Variants in NSUN6 observed in about 807,000 individuals in gnomAD.
NSUN6 encodes the protein NOP2/Sun RNA methyltransferase 6.
A neutral mutation model predicts 58.0 loss-of-function variants in NSUN6; 64 were observed. The observed-to-expected ratio is 1.10, with a 90% CI of 0.90 to 1.36. The LOEUF is 1.36. NSUN6 is among the 40% of genes most tolerant of loss of function. The probability of loss-of-function intolerance (pLI) is 0.00; values close to 1 mark genes in which losing one functional copy is unlikely to be tolerated. For synonymous variants in NSUN6, 231 were observed against 193.9 expected (o/e 1.19, Z -1.59); for missense variants, 701 against 550.1 (o/e 1.27, Z -2.74).
At chr10:18,612,288 T>C (rs1478176859) in intron 5 of NSUN6, among the ~76,000 whole-genome samples, 2 of 152,090 alleles carry the variant, frequency 1.3e-5, no homozygotes, top group Admixed American at 6.6e-5. Context: ...CTGATCATGG[T>C]GTCATGTGCC....
chr10:18,638,944 T>A (rs2059306532), intron 3 of NSUN6, among the ~76,000 whole-genome samples: 1 of 109,342 alleles, frequency 9.1e-6, no homozygotes, highest in Non-Finnish European at 1.8e-5. Context: ...AGCTTGACAA[T>A]GTTAAAAAAA....
At chr10:18,550,123 T>C (rs1030443446) in intron 9 of NSUN6, among the ~76,000 whole-genome samples, 5 of 152,236 alleles carry the variant, frequency 3.3e-5, no homozygotes, top group Non-Finnish European at 5.9e-5. Context: ...TTCCTTCTCA[T>C]TGAGATCATT....
intron 6 of NSUN6, among the ~76,000 whole-genome samples, chr10:18,609,376 C>T (rs995685169): frequency 6.6e-6 from 1 of 151,950 alleles, no homozygotes; most frequent in African/African-American, 2.4e-5. Flanking sequence ...AACATTTGGA[C>T]TTAGGTTTGA....
chr10:18,651,476 G>A lies in NSUN6; in HGVS notation c.-273C>T. The A allele has an allele frequency of 3.5e-6, 4 of 1,142,772 alleles. No homozygotes were observed. In the South Asian group the frequency reaches 1.2e-4, roughly 34 times the overall value. The allele number at this position is 1,142,772 out of a possible 1,614,324, so 70.8% of individuals were successfully genotyped here. A position where few individuals can be genotyped will look rare whatever the true frequency, so the allele number is the denominator to read the frequency against. Reference sequence around the variant, plus strand: ...AAATCACTGAGCCAATGCCACTCACGTTGCAAAGAACCAAAAAAAGAAAAA... The same window carrying A: ...AAATCACTGAGCCAATGCCACTCACATTGCAAAGAACCAAAAAAAGAAAAA... On this transcript the variant is annotated 5_prime_UTR_variant, in exon 1 of 11. The change creates a new upstream start codon in the 5' untranslated region. Coordinates refer to ENST00000377304, the MANE Select transcript of NSUN6 (RefSeq NM_182543.5).
chr10:18,590,754 G>A (rs952437809), intron 7 of NSUN6, among the ~76,000 whole-genome samples: 1 of 152,206 alleles, frequency 6.6e-6, no homozygotes, highest in Admixed American at 6.5e-5. Flanking sequence ...CACAGTTAAT[G>A]CAGTGTTAAG....
At chr10:18,570,128 C>T (rs529573370) in intron 8 of NSUN6, among the ~76,000 whole-genome samples, 10 of 150,708 alleles carry the variant, frequency 6.6e-5, no homozygotes, top group South Asian at 2.1e-4. Context: ...TTCTTCATTC[C>T]ATTCCATTTC....
In NSUN6 at chr10:18,597,155, T is replaced by C. The variant is rs993424318; in HGVS notation, c.658-828A>G. 4.6e-5 allele frequency among the ~76,000 whole-genome samples: 7 copies of C among 152,328 alleles called. No individual in the cohort carries two copies. In the East Asian group the frequency reaches 1.3e-3, roughly 29 times the overall value. ...GGTTATACAACCAAAACATACCTCATCTATAGCAGTAAGTCATATTAAATC... is the reference window on the plus strand; with the variant it reads ...GGTTATACAACCAAAACATACCTCACCTATAGCAGTAAGTCATATTAAATC... On this transcript the variant is annotated intron_variant, in intron 6 of 10. Transcript: ENST00000377304.
chr10:18,589,230 A>T (rs950793509), intron 7 of NSUN6, among the ~76,000 whole-genome samples: 7 of 152,352 alleles, frequency 4.6e-5, no homozygotes, highest in African/African-American at 1.7e-4. Flanking sequence ...AAAAACAATG[A>T]AAAGGAGTGA....
intron 3 of NSUN6, among the ~76,000 whole-genome samples, chr10:18,633,482 A>G (rs2131501426): frequency 6.6e-6 from 1 of 152,298 alleles, no homozygotes; most frequent in East Asian, 1.9e-4. Context: ...CAATAAAACT[A>G]AGAAACAGCT....
intron 3 of NSUN6, among the ~76,000 whole-genome samples, chr10:18,641,083 T>C (rs546325457): frequency 1.3e-5 from 2 of 152,230 alleles, no homozygotes; most frequent in African/African-American, 4.8e-5. Flanking sequence ...TTTTGATACT[T>C]AAAAACTGAT....
rs554615211 is a variant in NSUN6, at chr10:18,627,681, C to A, written c.312-11388G>T. 7.4e-4 allele frequency among the ~76,000 whole-genome samples: 113 copies of A among 152,352 alleles called. 1 individual carries two copies. The highest frequency in any genetic ancestry group is 6.8e-3 in the Middle Eastern group (2 of 294). Reference sequence around the variant, plus strand: ...CACCTGGAAAATTGGGTCACTCCCACCCCAATACCGCGCTTTTCCGATTGG... The same window carrying A: ...CACCTGGAAAATTGGGTCACTCCCAACCCAATACCGCGCTTTTCCGATTGG... On this transcript the variant is annotated intron_variant, in intron 3 of 10. Transcript: ENST00000377304.
chr10:18,637,378 A>G (rs1289468019), intron 3 of NSUN6, among the ~76,000 whole-genome samples: 1 of 152,244 alleles, frequency 6.6e-6, no homozygotes, highest in Admixed American at 6.5e-5. Context: ...TCTGATGAGT[A>G]GCCTAGATCA....
At chr10:18,580,158 C>T (rs1021970676) in intron 8 of NSUN6, among the ~76,000 whole-genome samples, 2 of 152,154 alleles carry the variant, frequency 1.3e-5, no homozygotes, top group Non-Finnish European at 2.9e-5. Context: ...AAAACAAAAA[C>T]AACCCTTTGA....
At chr10:18,551,291 T>TGTGG (rs1230236829) in intron 9 of NSUN6, among the ~76,000 whole-genome samples, 5 of 148,890 alleles carry the variant, frequency 3.4e-5, no homozygotes, top group African/African-American at 5.0e-5. Context: ...TGTGTGTGTG[T>TGTGG]GGTAAAATAT....
chr10:18,649,560 C>T (rs1337097490), intron 1 of NSUN6, among the ~76,000 whole-genome samples: 1 of 148,620 alleles, frequency 6.7e-6, no homozygotes, highest in African/African-American at 2.5e-5. Flanking sequence ...TCCCAGAGGT[C>T]GAAGCAGCAG....
chr10:18,625,479 G>C (rs920064849), intron 3 of NSUN6, among the ~76,000 whole-genome samples: 1 of 152,044 alleles, frequency 6.6e-6, no homozygotes, highest in Admixed American at 6.5e-5. Context: ...TTGGAAGGCC[G>C]AGGTTGGTGG....
intron 5 of NSUN6, among the ~76,000 whole-genome samples, chr10:18,611,723 GGTGTGTGTGTGTGT>G (rs10579235): frequency 6.7e-6 from 1 of 148,880 alleles, no homozygotes; most frequent in Non-Finnish European, 1.5e-5. Context: ...GTCTCACTAT[GGTGTGTGTGTGTGT>G]GTGTGTGTGT....
At chr10:18,641,205 A>G (rs1177763485) in intron 3 of NSUN6, among the ~76,000 whole-genome samples, 4 of 152,252 alleles carry the variant, frequency 2.6e-5, no homozygotes, top group Admixed American at 1.3e-4. Context: ...ATTGCTGCCC[A>G]CTAAATTGAA....
At position 18,616,248 on chromosome 10, in the gene NSUN6, C is replaced by T. The variant is rs138913582; in HGVS notation, c.357G>A (p.Gln119=). 1.1e-4 allele frequency: 171 copies of T among 1,612,064 alleles called. No homozygotes were observed. Among genetic ancestry groups the T allele is most frequent in the Non-Finnish European group, 1.4e-4 (162 of 1,178,166 alleles). The part of the protein sequence containing the change: ...KQQCEAIVGA[Q]CGNAVLRGAH... ...CTCCTCTTAAAACTGCATTGCCACA[C>T]TGGGCTCCAACAATGGCTTCACACT... Residue 119 remains glutamine (Q), a synonymous_variant, in exon 4 of 11, where the codon CAG becomes CAA. Coordinates refer to ENST00000377304, the MANE Select transcript of NSUN6 (RefSeq NM_182543.5).
Sources: allele counts gnomAD v4.1 joint callset (sites outside exome capture counted in the v4.1 genomes callset), GRCh38; gene constraint gnomAD v4.1.1; transcripts MANE v1.5; gene names NCBI Gene and HGNC (gene_info 2026-07-23, HGNC 2026-07-21).